The following DAB1 variants were observed in gnomAD, a reference collection of about 807,000 sequenced individuals.
DAB1 encodes the protein disabled homolog 1.
Under a neutral mutation model 64.6 loss-of-function variants are expected in DAB1, and 15 were observed. The ratio of observed to expected loss-of-function variants is 0.23; its 90% CI spans 0.16 to 0.36. DAB1 has a LOEUF of 0.36. DAB1 is among the 10% of genes least tolerant of loss of function. DAB1 has a pLI of 1.00. For synonymous variants in DAB1, 235 were observed against 251.9 expected, an observed-to-expected ratio of 0.93 and a Z score of 0.64; for missense variants, 596 against 706.7, an observed-to-expected ratio of 0.84 and a Z score of 1.78.
chr1:58,352,426 T>C (rs984456272), intron 3 of DAB1, among the ~76,000 whole-genome samples: 2 of 152,174 alleles, frequency 1.3e-5, no homozygotes, highest in South Asian at 2.1e-4. Context: ...CCTGCTAATA[T>C]GGTCAGACTC....
chr1:58,529,942 G>A (rs1646408414), intron 1 of DAB1, among the ~76,000 whole-genome samples: 1 of 151,784 alleles, frequency 6.6e-6, no homozygotes, highest in East Asian at 1.9e-4. Context: ...GTGCAGTGGC[G>A]CAATCTCGGC....
At chr1:57,569,850 G>A (rs1235266163) in intron 7 of DAB1, among the ~76,000 whole-genome samples, 1 of 152,082 alleles carries the variant, frequency 6.6e-6, no homozygotes, top group Non-Finnish European at 1.5e-5. Context: ...TTAACTTTAT[G>A]TAATAGTATT....
At chr1:57,755,828 G>C (rs1403886460) in intron 6 of DAB1, among the ~76,000 whole-genome samples, 1 of 152,108 alleles carries the variant, frequency 6.6e-6, no homozygotes, top group African/African-American at 2.4e-5. Context: ...CCTTAATACT[G>C]TCATTACTGG....
At chr1:57,408,408 A>G (rs553551280) in intron 1 of DAB1, among the ~76,000 whole-genome samples, 1 of 152,292 alleles carries the variant, frequency 6.6e-6, no homozygotes, top group Admixed American at 6.5e-5. Context: ...CAAATGGGTG[A>G]CTATTCCTAC....
chr1:57,435,159 C>T (rs1685651709), intron 7 of DAB1, among the ~76,000 whole-genome samples: 1 of 151,046 alleles, frequency 6.6e-6, no homozygotes, highest in Non-Finnish European at 1.5e-5. Flanking sequence ...AGTGATTCTC[C>T]TGTCTCAGCC....
intron 4 of DAB1, among the ~76,000 whole-genome samples, chr1:58,339,408 T>C (rs1663198502): frequency 1.3e-5 from 2 of 152,094 alleles, no homozygotes; most frequent in African/African-American, 4.8e-5. Context: ...CAGGGGGAAA[T>C]GGAAGAAGCA....
At chr1:58,478,028 C>T (rs1409445109) in intron 3 of DAB1, among the ~76,000 whole-genome samples, 1 of 152,190 alleles carries the variant, frequency 6.6e-6, no homozygotes, top group Non-Finnish European at 1.5e-5. Context: ...CTTAGCACCA[C>T]ACATAAATGA....
intron 3 of DAB1, among the ~76,000 whole-genome samples, chr1:58,388,007 G>A (rs576095730): frequency 1.3e-5 from 2 of 152,130 alleles, no homozygotes; most frequent in Non-Finnish European, 2.9e-5. Flanking sequence ...GATTATAGGC[G>A]TGAGCCACCA....
chr1:58,033,776 T>A (rs1228274596), intron 5 of DAB1, among the ~76,000 whole-genome samples: 11 of 152,238 alleles, frequency 7.2e-5, no homozygotes, highest in African/African-American at 2.7e-4. Context: ...TCTGCTGATA[T>A]TTTTTATAAA....
Position 58,281,758 on chromosome 1 carries a change from T to C in DAB1, n.309+61594A>G, listed in dbSNP as rs75171858. ...GGTATTTCACTTCTCTGTTTCTCAGTTTCTTCATTTGTGTAATAAAATGAA... is the reference window on the plus strand; with the variant it reads ...GGTATTTCACTTCTCTGTTTCTCAGCTTCTTCATTTGTGTAATAAAATGAA... On this transcript the variant is annotated intron_variant and non_coding_transcript_variant, in intron 4 of 20. Coordinates refer to the DAB1 transcript ENST00000485760. Among the ~76,000 whole-genome samples, 5 of 152,348 alleles carry C rather than the reference T, an allele frequency of 3.3e-5. No homozygotes were observed. The East Asian group carries it at 9.6e-4, about 29-fold the overall frequency.
At chr1:57,717,054 C>A (rs1265158516) in intron 6 of DAB1, among the ~76,000 whole-genome samples, 1 of 151,884 alleles carries the variant, frequency 6.6e-6, no homozygotes. Context: ...GGCTGGTCAA[C>A]ATAGTGAAAC....
chr1:57,913,980 C>G (rs954909845), intron 5 of DAB1, among the ~76,000 whole-genome samples: 9 of 152,156 alleles, frequency 5.9e-5, no homozygotes, highest in African/African-American at 2.2e-4. Flanking sequence ...AATAGGAACA[C>G]TTTTACACTG....
In DAB1 at chr1:57,865,751, G is replaced by T. The variant is rs994063330; in HGVS notation, n.87+18248C>A. ...TAAAAGCACAAGCTAGAGTTAGACTGCGTGGATTCAAAGCATAGATCTACT... is the reference window on the plus strand; with the variant it reads ...TAAAAGCACAAGCTAGAGTTAGACTTCGTGGATTCAAAGCATAGATCTACT... On this transcript the variant is annotated intron_variant and non_coding_transcript_variant, in intron 1 of 1. Coordinates refer to the DAB1 transcript ENST00000477280. 3.3e-5 allele frequency among the ~76,000 whole-genome samples: 5 copies of T among 152,174 alleles called. No homozygotes were observed. The South Asian group carries it at 8.3e-4, about 25-fold the overall frequency.
At chr1:57,030,642 T>C (rs1256377028) in intron 9 of DAB1, among the ~76,000 whole-genome samples, 1 of 152,220 alleles carries the variant, frequency 6.6e-6, no homozygotes. Context: ...CTGGCTATCT[T>C]GTTTCTCTTT....
At chr1:58,126,314 C>T (rs1033654734) in intron 5 of DAB1, among the ~76,000 whole-genome samples, 13 of 152,160 alleles carry the variant, frequency 8.5e-5, no homozygotes, top group Non-Finnish European at 1.8e-4. Flanking sequence ...GCCAATTCCC[C>T]CAGGGCTCTC....
At chr1:58,286,474 GAAA>G (rs1231455395) in intron 4 of DAB1, among the ~76,000 whole-genome samples, 1 of 151,988 alleles carries the variant, frequency 6.6e-6, no homozygotes, top group African/African-American at 2.4e-5. Flanking sequence ...AAATTTACAA[GAAA>G]AAAACAACCA....
Position 57,104,091 on chromosome 1 carries a change from C to T in DAB1, c.307-31677G>A, listed in dbSNP as rs1654927539. On this transcript the variant is annotated intron_variant, in intron 4 of 14. Transcript: ENST00000371236. The stretch of plus-strand genomic sequence containing the variant: ...GGTTATGGGGGTGAGAAGGCAAGAA[C>T]ATCCTGAATACACATTCTGCAGTCT... Among the ~76,000 whole-genome samples the T allele has an allele frequency of 3.3e-5, 5 of 152,294 alleles. No individual in the cohort carries two copies. In the South Asian group the frequency reaches 1.0e-3, roughly 32 times the overall value.
chr1:57,555,805 CAT>C (rs1024891999), intron 7 of DAB1, among the ~76,000 whole-genome samples: 19 of 152,280 alleles, frequency 1.2e-4, no homozygotes, highest in African/African-American at 4.6e-4. Flanking sequence ...TAATGAGAAA[CAT>C]AGTCTTTCCC....
rs188464116 is a variant in DAB1, at chr1:58,316,984, A to G, written n.309+26368T>C. ...ATTCTGAGAATTATCTAACTTAATC[A>G]TTACAATGATCCATAACCAATCAGT... On this transcript the variant is annotated intron_variant and non_coding_transcript_variant, in intron 4 of 20. Transcript: ENST00000485760. 5.2e-3 allele frequency among the ~76,000 whole-genome samples: 785 copies of G among 152,334 alleles called. 3 individuals are homozygous for G. Among genetic ancestry groups the G allele is most frequent in the Middle Eastern group, 0.014 (4 of 294 alleles).
Sources: allele counts gnomAD v4.1 joint callset (sites outside exome capture counted in the v4.1 genomes callset), GRCh38; gene constraint gnomAD v4.1.1; transcripts MANE v1.5; gene names NCBI Gene and HGNC (gene_info 2026-07-23, HGNC 2026-07-21).